The following ERG variants were observed in gnomAD, a reference collection of about 807,000 sequenced individuals.
ERG encodes ETS transcription factor ERG, also known as transcriptional regulator ERG.
A neutral mutation model predicts 55.3 loss-of-function variants in ERG; 9 were observed. That is an observed-to-expected ratio of 0.16 (90% CI 0.10 to 0.28). The LOEUF is 0.28. Ranked by LOEUF, ERG falls within the 10% of genes least tolerant of loss-of-function variation. The pLI, the probability that ERG is intolerant of heterozygous loss-of-function variation, is 1.00. For missense variants in ERG, 434 were observed against 631.6 expected (o/e 0.69, Z 3.35); for synonymous variants, 223 against 237.3 (o/e 0.94, Z 0.55).
At chr21:38,439,151 G>A (rs960041694) in intron 2 of ERG, among the ~76,000 whole-genome samples, 1 of 152,158 alleles carries the variant, frequency 6.6e-6, no homozygotes, top group Non-Finnish European at 1.5e-5. Flanking sequence ...TGGGCTTCAC[G>A]AAATCGCCAT....
Position 38,382,751 on chromosome 21 carries a change from C to T in ERG, c.*652G>A. ...CACTCTATACACATCCTCAGTCCCA[C>T]CTTTTAGTTCATAGTCCCGGTAATA... On this transcript the variant is annotated 3_prime_UTR_variant, in exon 10 of 10. Coordinates refer to ENST00000288319, the MANE Select transcript of ERG (RefSeq NM_182918.4). 1.3e-5 allele frequency: 14 copies of T among 1,066,374 alleles called. No homozygotes were observed. Among genetic ancestry groups the T allele is most frequent in the Non-Finnish European group, 1.6e-5 (14 of 879,652 alleles). The allele number at this position is 1,066,374 out of a possible 1,614,324, so 66.1% of individuals were successfully genotyped here. A position where few individuals can be genotyped will look rare whatever the true frequency, so the allele number is the denominator to read the frequency against.
Position 38,635,336 on chromosome 21 carries a change from C to G in ERG, c.-150+26322G>C, listed in dbSNP as rs142415153. On this transcript the variant is annotated intron_variant, in intron 1 of 10. Coordinates refer to the ERG transcript ENST00000398910. Reference sequence around the variant, plus strand: ...GTCAAAACCCATAAAACATACAACACCAAGAGCAGGCCCTAATGTAAACTA... The same window carrying G: ...GTCAAAACCCATAAAACATACAACAGCAAGAGCAGGCCCTAATGTAAACTA... 2.6e-5 allele frequency among the ~76,000 whole-genome samples: 4 copies of G among 152,134 alleles called. No homozygotes were observed. In the East Asian group the frequency reaches 5.8e-4, roughly 22 times the overall value.
chr21:38,646,185 G>A (rs543200816), intron 1 of ERG, among the ~76,000 whole-genome samples: 2 of 151,264 alleles, frequency 1.3e-5, no homozygotes, highest in African/African-American at 2.4e-5. Context: ...GGAGACTGCG[G>A]CACAAGAATT....
At chr21:38,418,269 A>G (rs1276210814) in intron 3 of ERG, among the ~76,000 whole-genome samples, 1 of 58,582 alleles carries the variant, frequency 1.7e-5, no homozygotes, top group Admixed American at 2.0e-4. Context: ...GAACATTTGG[A>G]AGTGTGTGTG....
At chr21:38,528,508 C>T (rs1360781054) in intron 2 of ERG, among the ~76,000 whole-genome samples, 1 of 27,868 alleles carries the variant, frequency 3.6e-5, no homozygotes, top group African/African-American at 9.6e-5. Flanking sequence ...AGTGCAGTGG[C>T]GGGATCTCGG....
At chr21:38,399,770 A>G (rs1389844423) in intron 6 of ERG, among the ~76,000 whole-genome samples, 2 of 152,190 alleles carry the variant, frequency 1.3e-5, no homozygotes, top group Non-Finnish European at 2.9e-5. Flanking sequence ...CTGTATTGCT[A>G]GAAGTGGTTC....
intron 2 of ERG, among the ~76,000 whole-genome samples, chr21:38,431,849 C>T (rs1410982822): frequency 6.6e-6 from 1 of 152,202 alleles, no homozygotes; most frequent in Non-Finnish European, 1.5e-5. Flanking sequence ...CCGTGCCAGG[C>T]GTAGCTGGTG....
chr21:38,562,848 G>C (rs1389968426), intron 2 of ERG, among the ~76,000 whole-genome samples: 1 of 152,144 alleles, frequency 6.6e-6, no homozygotes, highest in East Asian at 1.9e-4. Flanking sequence ...GACTGCAATA[G>C]ATCCATGAGC....
chr21:38,397,424 C>T (rs1396713602), intron 6 of ERG, among the ~76,000 whole-genome samples: 1 of 151,620 alleles, frequency 6.6e-6, no homozygotes, highest in Non-Finnish European at 1.5e-5. Context: ...ATGGTGAAAC[C>T]CTATCTCTAC....
intron 9 of ERG, among the ~76,000 whole-genome samples, chr21:38,384,433 C>T (rs968962633): frequency 4.6e-5 from 7 of 152,190 alleles, no homozygotes; most frequent in Non-Finnish European, 8.8e-5. Flanking sequence ...CGACCTAGGA[C>T]GATGATCTAA....
In ERG at chr21:38,565,716, A is replaced by C. The variant is rs1018226058; in HGVS notation, c.-41+9946T>G. On this transcript the variant is annotated intron_variant, in intron 2 of 8. Coordinates refer to the ERG transcript ENST00000398897. ...TCCCTAACCTTTCGTGTAAAATTCT[A>C]CCTCTCCCTTCCTCAGTCTCTTGCT... Among the ~76,000 whole-genome samples the C allele has an allele frequency of 2.6e-5, 4 of 151,586 alleles. No individual in the cohort carries two copies. The South Asian group carries it at 8.4e-4, about 32-fold the overall frequency.
intron 1 of ERG, among the ~76,000 whole-genome samples, chr21:38,638,504 A>G (rs1246099740): frequency 6.6e-6 from 1 of 152,232 alleles, no homozygotes; most frequent in Non-Finnish European, 1.5e-5. Context: ...TACCTCTAGA[A>G]TAATATCACT....
Position 38,422,019 on chromosome 21 carries a change from G to A in ERG, c.388+1391C>T, listed in dbSNP as rs374425239. Among the ~76,000 whole-genome samples the A allele has an allele frequency of 9.2e-5, 14 of 152,162 alleles. No individual in the cohort carries two copies. In the East Asian group the frequency reaches 2.1e-3, roughly 23 times the overall value. On this transcript the variant is annotated intron_variant, in intron 3 of 9. Transcript: ENST00000288319. ...AGGTGTGAGCCACCATGGCTGGCCAGTAAGAAAACTTTTACATAAACATGC... is the reference window on the plus strand; with the variant it reads ...AGGTGTGAGCCACCATGGCTGGCCAATAAGAAAACTTTTACATAAACATGC...
chr21:38,589,245 G>C (rs189652640), upstream of ERG, among the ~76,000 whole-genome samples: 94 of 152,312 alleles, frequency 6.2e-4, no homozygotes, highest in African/African-American at 2.1e-3. Flanking sequence ...ACAGCAGCCT[G>C]GGGAGAAGGC....
chr21:38,433,595 C>A (rs1990319554), intron 2 of ERG, among the ~76,000 whole-genome samples: 1 of 151,544 alleles, frequency 6.6e-6, no homozygotes. Context: ...TGGAAAGAAC[C>A]CGCAATGAAA....
intron 1 of ERG, among the ~76,000 whole-genome samples, chr21:38,658,362 G>A (rs2060531812): frequency 2.0e-5 from 3 of 152,122 alleles, no homozygotes; most frequent in Admixed American, 2.0e-4. Context: ...CCTTCTCAAT[G>A]GAGTTCTATG....
chr21:38,393,611 GT>G (rs1988075801), intron 6 of ERG, among the ~76,000 whole-genome samples: 1 of 152,132 alleles, frequency 6.6e-6, no homozygotes. Flanking sequence ...TTTTAATTTT[GT>G]TTAAAACCAG....
chr21:38,380,830 C>A lies in ERG; in HGVS notation c.*2573G>T. The A allele has an allele frequency of 9.4e-7, 1 of 1,064,938 alleles. No homozygotes were observed. The highest frequency in any genetic ancestry group is 4.6e-5 in the South Asian group (1 of 21,968). 66.0% of individuals were successfully genotyped at this position (1,064,938 alleles called of 1,614,324 possible). ...GATAATCATGTCTTGTTTTTATGAT[C>A]TTGCTCATGAGACAGTCTTGAAGAG... On this transcript the variant is annotated 3_prime_UTR_variant, in exon 10 of 10. Transcript: ENST00000288319.
chr21:38,400,951 G>A (rs1426991859), intron 5 of ERG, among the ~76,000 whole-genome samples: 1 of 152,026 alleles, frequency 6.6e-6, no homozygotes, highest in Non-Finnish European at 1.5e-5. Context: ...GGGCAATCTC[G>A]TTTTATTAAA....
Sources: allele counts gnomAD v4.1 joint callset (sites outside exome capture counted in the v4.1 genomes callset), GRCh38; gene constraint gnomAD v4.1.1; transcripts MANE v1.5; gene names NCBI Gene and HGNC (gene_info 2026-07-23, HGNC 2026-07-21).